The following PTPRS variants were observed in gnomAD, a reference collection of about 807,000 sequenced individuals.
PTPRS encodes receptor-type tyrosine-protein phosphatase S.
In PTPRS, 63 loss-of-function variants were observed where a neutral mutation model predicts 215.3. That is an observed-to-expected ratio of 0.29 (90% CI 0.24 to 0.36). PTPRS has a LOEUF of 0.36. PTPRS is among the 10% of genes least tolerant of loss of function. PTPRS has a pLI of 1.00. For missense variants in PTPRS, 2,258 were observed against 2,825.8 expected, an observed-to-expected ratio of 0.80 and a Z score of 4.56; for synonymous variants, 1,404 against 1,191.4, an observed-to-expected ratio of 1.18 and a Z score of -3.68.
rs3042434 is a variant in PTPRS, at chr19:5,287,964, G to GCACACACA, written c.-94-1738_-94-1731dup. ...TCACACAGTCAGGCAGCAGAGACGG[G>GCACACACA]CACACACACACACACACACACACAC... On this transcript the variant is annotated intron_variant, in intron 1 of 37. Transcript: ENST00000262963. The surrounding 1 kb of genome is among the most constrained non-coding windows in gnomAD (Gnocchi z 4.8). Among the ~76,000 whole-genome samples, 57 of 133,362 alleles carry GCACACACA rather than the reference G, an allele frequency of 4.3e-4. No individual in the cohort carries two copies. Among genetic ancestry groups the GCACACACA allele is most frequent in the African/African-American group, 9.0e-4 (32 of 35,646 alleles). The allele number at this position is 133,362 out of a possible 152,430, so 87.5% of individuals were successfully genotyped here.
intron 17 of PTPRS, among the ~76,000 whole-genome samples, chr19:5,224,449 C>T (rs1278535996): frequency 1.3e-5 from 2 of 152,154 alleles, no homozygotes; most frequent in African/African-American, 4.8e-5. Context: ...TGACCAATAC[C>T]CATGGGACAT....
Position 5,215,281 on chromosome 19 carries a change from C to A in PTPRS, c.4318+8G>T, listed in dbSNP as rs367664026. 2 of 1,613,332 alleles carry A rather than the reference C, an allele frequency of 1.2e-6. No individual in the cohort carries two copies. The highest frequency in any genetic ancestry group is 1.7e-6 in the Non-Finnish European group (2 of 1,179,466). On this transcript the variant is annotated splice_region_variant and intron_variant, in intron 28 of 37. Transcript: ENST00000262963. ...AGGGCAGGTTAAGACCCGGGATCTC[C>A]GAACTACCTTCAATGGGCTGGAGGA... is the stretch of plus-strand genomic sequence containing the variant.
intron 2 of PTPRS, among the ~76,000 whole-genome samples, chr19:5,280,803 G>GT (rs950504740): frequency 5.3e-5 from 8 of 149,774 alleles, no homozygotes; most frequent in Admixed American, 2.7e-4. Context: ...TTTTTTGTTT[G>GT]TTTTTTGAGA....
chr19:5,271,988 A>G (rs2046949774), intron 4 of PTPRS, among the ~76,000 whole-genome samples: 1 of 152,144 alleles, frequency 6.6e-6, no homozygotes, highest in Non-Finnish European at 1.5e-5. Context: ...GGCCTCCCAA[A>G]GTGCTGGGAT....
chr19:5,252,025 G>C (rs990451888), intron 9 of PTPRS, among the ~76,000 whole-genome samples: 2 of 152,106 alleles, frequency 1.3e-5, no homozygotes, highest in African/African-American at 4.8e-5. Context: ...CAATTTTAGG[G>C]CTTGGGTATT....
rs141367781 is a variant in PTPRS at position 5,314,950 on chromosome 19, T to A, written c.-95+25714A>T. ...ATTCAGATTTGGGACTGAGGACAGTTCCCACCAACTGAATATCTACCATGA... is the reference window on the plus strand; with the variant it reads ...ATTCAGATTTGGGACTGAGGACAGTACCCACCAACTGAATATCTACCATGA... On this transcript the variant is annotated intron_variant, in intron 1 of 37. Coordinates refer to ENST00000262963, the MANE Select transcript of PTPRS (RefSeq NM_002850.4). 3.5e-3 allele frequency among the ~76,000 whole-genome samples: 532 copies of A among 152,304 alleles called. 1 individual carries two copies. Among genetic ancestry groups the A allele is most frequent in the African/African-American group, 0.012 (504 of 41,560 alleles).
chr19:5,216,516 ACACACACAGCAGT>A (rs1309287991), intron 26 of PTPRS, among the ~76,000 whole-genome samples, 191 bp downstream of exon 26: 2 of 151,998 alleles, frequency 1.3e-5, no homozygotes, highest in African/African-American at 4.8e-5. Context: ...CATACACACC[ACACACACAGCAGT>A]CACACACAGC....
At chr19:5,305,835 G>T (rs7255855) in intron 1 of PTPRS, among the ~76,000 whole-genome samples, 29,361 of 140,502 alleles carry the variant, frequency 0.21, 3,236 homozygotes, top group African/African-American at 0.26. Context: ...AGCTACTTGG[G>T]AGGCTGAGGC....
At chr19:5,275,101 C>T (rs1333823928) in intron 2 of PTPRS, among the ~76,000 whole-genome samples, 4 of 150,750 alleles carry the variant, frequency 2.7e-5, no homozygotes, top group Admixed American at 2.6e-4. Flanking sequence ...GACAGTGTCT[C>T]ACTCTGTCGC....
At chr19:5,340,183 C>T (rs891614574) in intron 1 of PTPRS, among the ~76,000 whole-genome samples, 2 of 151,010 alleles carry the variant, frequency 1.3e-5, no homozygotes, top group East Asian at 3.9e-4. Flanking sequence ...CGCCCGCATG[C>T]CCCCCATCCC....
chr19:5,215,386 T>C lies in PTPRS; in HGVS notation c.4221A>G (p.Thr1407=), dbSNP rs370255400. 1.6e-4 allele frequency: 259 copies of C among 1,613,778 alleles called. No homozygotes were observed. The highest frequency in any genetic ancestry group is 2.1e-4 in the Non-Finnish European group (252 of 1,179,982). ...TCACTTCCAGGTTGGAATGTTCCCA[T>C]GTGAACTGCTGTCCAGGGTCGATGG... ...YESIDPGQQF[T]WEHSNLEVNK... The change falls in exon 28 of 38, where the codon ACA becomes ACG. Residue 1407 remains threonine, a synonymous_variant. Transcript: ENST00000262963.
chr19:5,301,813 C>T (rs1055974682), intron 1 of PTPRS, among the ~76,000 whole-genome samples: 2 of 152,074 alleles, frequency 1.3e-5, no homozygotes, highest in Non-Finnish European at 2.9e-5. Flanking sequence ...TGGAGTCTCA[C>T]TCTGTCGCTC....
chr19:5,233,250 C>T (rs2043166966), intron 13 of PTPRS, among the ~76,000 whole-genome samples: 1 of 151,798 alleles, frequency 6.6e-6, no homozygotes, highest in African/African-American at 2.4e-5. Context: ...TAGACACCTA[C>T]TATGTGCCAG....
intron 2 of PTPRS, among the ~76,000 whole-genome samples, chr19:5,279,101 G>A (rs1011323179): frequency 6.6e-5 from 10 of 151,786 alleles, no homozygotes; most frequent in Middle Eastern, 3.4e-3. Context: ...CAGGAGAATC[G>A]CTTGAACCCG....
intron 1 of PTPRS, among the ~76,000 whole-genome samples, chr19:5,306,294 G>A (rs527297927): frequency 8.6e-5 from 13 of 151,900 alleles, no homozygotes; most frequent in South Asian, 6.2e-4. Flanking sequence ...ACAGGCGTGC[G>A]CCACCACGCC....
At chr19:5,233,059 T>C (rs4807701) in intron 13 of PTPRS, among the ~76,000 whole-genome samples, 20,320 of 151,510 alleles carry the variant, frequency 0.13, 1,558 homozygotes, top group Admixed American at 0.21. Context: ...GCTCCAATTA[T>C]TGGGTACCTA....
chr19:5,274,497 A>G (rs1215217164), intron 2 of PTPRS, among the ~76,000 whole-genome samples, 153 bp from the exon 3 acceptor site: 1 of 152,108 alleles, frequency 6.6e-6, no homozygotes, highest in Non-Finnish European at 1.5e-5. Flanking sequence ...GATGACAACA[A>G]ACACCCTCCC....
chr19:5,299,773 G>C (rs1040500893), intron 1 of PTPRS, among the ~76,000 whole-genome samples: 4 of 152,254 alleles, frequency 2.6e-5, no homozygotes, highest in African/African-American at 9.6e-5. Flanking sequence ...TCGGGGCTGA[G>C]GCAGGAGAAT....
rs1374813934 is a variant in PTPRS, at chr19:5,215,604, T to A, written c.4097-9A>T. ...CGGGTGGCTAAGCATGCCTACAGGG[T>A]GGAGCAGACCCCGCCGGGGTTGGTC... is the stretch of plus-strand genomic sequence containing the variant. On this transcript the variant is annotated splice_polypyrimidine_tract_variant and intron_variant, in intron 26 of 37. Transcript: ENST00000262963. 6.6e-7 allele frequency: 1 copy of A among 1,508,392 alleles called. No homozygotes were observed. The highest frequency in any genetic ancestry group is 8.9e-7 in the Non-Finnish European group (1 of 1,124,276). 93.4% of individuals were successfully genotyped at this position (1,508,392 alleles called of 1,614,324 possible).
Sources: gnomAD v4.1 joint callset for allele counts (sites outside exome capture counted in the v4.1 genomes callset) on GRCh38, gnomAD v4.1.1 for gene constraint, Gnocchi (gnomAD v3.1) non-coding constraint, MANE v1.5 for transcripts, NCBI Gene and HGNC (gene_info 2026-07-23, HGNC 2026-07-21) for gene names.